ARHGAP24: variants seen among roughly 807,000 people sequenced by gnomAD.
The protein encoded by ARHGAP24 is rho GTPase-activating protein 24.
Under a neutral mutation model 76.4 loss-of-function variants are expected in ARHGAP24, and 50 were observed. The observed-to-expected ratio is 0.65, with a 90% CI of 0.52 to 0.83. The LOEUF (loss-of-function observed/expected upper bound fraction) is 0.83. Among genes scored for constraint, ARHGAP24 ranks in the 40% least tolerant of loss-of-function variants. The pLI is 0.00. For missense variants in ARHGAP24, 930 were observed against 914.2 expected (o/e 1.02, Z -0.22); for synonymous variants, 345 against 323.3 (o/e 1.07, Z -0.72).
Position 85,589,987 on chromosome 4 carries a change from A to C in ARHGAP24, c.180+19266A>C, listed in dbSNP as rs542454760. ...CTAATTACTAATATGTGCATTTTGC[A>C]TGTTAATTTAGATTATCCCTCTTTT... is the stretch of plus-strand genomic sequence containing the variant. On this transcript the variant is annotated intron_variant, in intron 2 of 9. Coordinates refer to ENST00000395184, the MANE Select transcript of ARHGAP24 (RefSeq NM_001025616.3). Among the ~76,000 whole-genome samples the C allele has an allele frequency of 9.8e-5, 15 of 152,324 alleles. No homozygotes were observed. The East Asian group carries it at 2.9e-3, about 29-fold the overall frequency.
At chr4:85,904,161 G>A (rs28572751) in intron 3 of ARHGAP24, among the ~76,000 whole-genome samples, 45,394 of 151,870 alleles carry the variant, frequency 0.3, 6,929 homozygotes, top group South Asian at 0.43. Context: ...AAGAAAAGAG[G>A]TTTAATTGGC....
intron 2 of ARHGAP24, among the ~76,000 whole-genome samples, chr4:85,573,314 A>C: frequency 6.6e-6 from 1 of 152,254 alleles, no homozygotes; most frequent in Non-Finnish European, 1.5e-5. Flanking sequence ...AAGAACTGAC[A>C]ATTTCTGTAT....
At chr4:85,635,676 C>T (rs1025481374) in intron 2 of ARHGAP24, among the ~76,000 whole-genome samples, 2 of 151,782 alleles carry the variant, frequency 1.3e-5, no homozygotes, top group East Asian at 1.9e-4. Flanking sequence ...GCAGTTTGAT[C>T]GTACAAAGGA....
At chr4:85,823,684 C>T (rs1414956427) in intron 3 of ARHGAP24, among the ~76,000 whole-genome samples, 6 of 152,234 alleles carry the variant, frequency 3.9e-5, no homozygotes, top group African/African-American at 7.2e-5. Flanking sequence ...AATTATACTA[C>T]GAGGCTGTAT....
At chr4:85,640,077 G>A (rs901290935) in intron 2 of ARHGAP24, among the ~76,000 whole-genome samples, 6 of 152,040 alleles carry the variant, frequency 3.9e-5, no homozygotes, top group Non-Finnish European at 8.8e-5. Flanking sequence ...CCTGGAGCAT[G>A]TTTTTCAAAT....
At chr4:85,810,880 A>G (rs1000147840) in intron 3 of ARHGAP24, among the ~76,000 whole-genome samples, 2 of 152,218 alleles carry the variant, frequency 1.3e-5, no homozygotes, top group Non-Finnish European at 2.9e-5. Flanking sequence ...AACAGAGAAG[A>G]TAGTATGAAA....
At chr4:85,894,728 G>A (rs1295761811) in intron 3 of ARHGAP24, among the ~76,000 whole-genome samples, 2 of 152,004 alleles carry the variant, frequency 1.3e-5, no homozygotes, top group African/African-American at 2.4e-5. Context: ...GGGAGACCGA[G>A]GTGGGTGGAT....
intron 1 of ARHGAP24, among the ~76,000 whole-genome samples, chr4:85,483,324 C>T (rs1422647816): frequency 6.6e-6 from 1 of 152,114 alleles, no homozygotes; most frequent in East Asian, 1.9e-4. Flanking sequence ...GAAAAAAAAA[C>T]TCAGTGTTCA....
chr4:85,678,053 A>T (rs1449607235), intron 2 of ARHGAP24, among the ~76,000 whole-genome samples: 3 of 150,984 alleles, frequency 2.0e-5, no homozygotes, highest in Non-Finnish European at 4.4e-5. Context: ...AAAAAAAAAG[A>T]AAAAGGAAAA....
chr4:85,640,781 T>G (rs976244012), intron 2 of ARHGAP24, among the ~76,000 whole-genome samples: 1 of 152,190 alleles, frequency 6.6e-6, no homozygotes, highest in African/African-American at 2.4e-5. Flanking sequence ...CATTTATGGC[T>G]TTGCATTTGC....
chr4:85,558,098 T>C (rs1726459309), intron 1 of ARHGAP24, among the ~76,000 whole-genome samples: 1 of 152,174 alleles, frequency 6.6e-6, no homozygotes, highest in Admixed American at 6.5e-5. Flanking sequence ...AAGACTCTAC[T>C]TGGCACTGTC....
chr4:85,830,637 G>T (rs1482858804), intron 3 of ARHGAP24, among the ~76,000 whole-genome samples: 16 of 152,310 alleles, frequency 1.1e-4, no homozygotes, highest in African/African-American at 3.6e-4. Context: ...AAGCAGTATA[G>T]ATTCAGATAA....
At chr4:85,674,293 A>G (rs1270370917) in intron 2 of ARHGAP24, among the ~76,000 whole-genome samples, 2 of 152,156 alleles carry the variant, frequency 1.3e-5, no homozygotes, top group Non-Finnish European at 2.9e-5. Flanking sequence ...CAGCCTAGTT[A>G]AAAGGGAAAA....
At chr4:85,505,987 T>C (rs1724029824) in intron 1 of ARHGAP24, among the ~76,000 whole-genome samples, 1 of 152,124 alleles carries the variant, frequency 6.6e-6, no homozygotes, top group Non-Finnish European at 1.5e-5. Context: ...GTCCCTCAGC[T>C]GCAGGTCTGT....
intron 3 of ARHGAP24, among the ~76,000 whole-genome samples, chr4:85,857,490 T>C (rs1424254064): frequency 3.3e-5 from 5 of 152,214 alleles, no homozygotes; most frequent in Admixed American, 6.5e-5. Context: ...ATCATCAAGA[T>C]CAATTATTAT....
chr4:85,963,226 AAGTT>A (rs769442652), intron 5 of ARHGAP24, among the ~76,000 whole-genome samples: 8 of 152,106 alleles, frequency 5.3e-5, no homozygotes, highest in Non-Finnish European at 8.8e-5. Flanking sequence ...CTTTGGGAGA[AAGTT>A]AATGGGTTTT....
intron 2 of ARHGAP24, among the ~76,000 whole-genome samples, chr4:85,605,139 A>G (rs535921229): frequency 2.6e-5 from 4 of 152,060 alleles, no homozygotes; most frequent in Admixed American, 1.3e-4. Context: ...AATGTAAGTG[A>G]TTTTTCTTTT....
intron 2 of ARHGAP24, among the ~76,000 whole-genome samples, chr4:85,647,780 A>G (rs1721778182): frequency 6.6e-6 from 1 of 152,096 alleles, no homozygotes; most frequent in African/African-American, 2.4e-5. Context: ...TGAACATTAT[A>G]AGACCAGTCT....
chr4:85,619,445 T>C (rs112792267), intron 2 of ARHGAP24, among the ~76,000 whole-genome samples: 1 of 151,962 alleles, frequency 6.6e-6, no homozygotes, highest in African/African-American at 2.4e-5. Context: ...TTTGGCTATT[T>C]GGGGTCTTCT....
Sources: allele counts gnomAD v4.1 joint callset (sites outside exome capture counted in the v4.1 genomes callset), GRCh38; gene constraint gnomAD v4.1.1; transcripts MANE v1.5; gene names NCBI Gene and HGNC (gene_info 2026-07-23, HGNC 2026-07-21).